FOXJ3: variants seen among roughly 807,000 people sequenced by gnomAD.
FOXJ3 encodes forkhead box J3, also known as forkhead box protein J3.
Under a neutral mutation model 76.1 loss-of-function variants are expected in FOXJ3, and 22 were observed. The observed-to-expected ratio is 0.29, with a 90% CI of 0.21 to 0.41. The LOEUF is 0.41. FOXJ3 is among the 10% of genes least tolerant of loss of function. FOXJ3 has a pLI of 1.00. For synonymous variants in FOXJ3, 269 were observed against 261.2 expected, an observed-to-expected ratio of 1.03 and a Z score of -0.29; for missense variants, 613 against 762.1, an observed-to-expected ratio of 0.80 and a Z score of 2.30.
At chr1:42,284,296 C>T (rs1652914282) in intron 2 of FOXJ3, among the ~76,000 whole-genome samples, 1 of 152,132 alleles carries the variant, frequency 6.6e-6, no homozygotes, top group East Asian at 1.9e-4. Context: ...AGAATTTGGT[C>T]GAACTGTTAT....
intron 4 of FOXJ3, among the ~76,000 whole-genome samples, chr1:42,248,738 T>C (rs1467224858): frequency 3.6e-4 from 53 of 146,094 alleles, no homozygotes; most frequent in African/African-American, 1.0e-3. Context: ...TTCTTTTTTT[T>C]TTTTTTTTTT....
chr1:42,205,004 G>A (rs1330527855), intron 6 of FOXJ3, among the ~76,000 whole-genome samples: 1 of 152,100 alleles, frequency 6.6e-6, no homozygotes, highest in East Asian at 1.9e-4. Context: ...GAAAAAAAGA[G>A]GGTGAAAGCT....
intron 2 of FOXJ3, among the ~76,000 whole-genome samples, chr1:42,299,692 A>G (rs920136324): frequency 2.6e-5 from 4 of 152,068 alleles, no homozygotes; most frequent in Non-Finnish European, 5.9e-5. Context: ...GGATTACTTG[A>G]GGTCAGGAGC....
At chr1:42,198,264 G>A (rs1646691784) in intron 7 of FOXJ3, among the ~76,000 whole-genome samples, 1 of 151,480 alleles carries the variant, frequency 6.6e-6, no homozygotes, top group Non-Finnish European at 1.5e-5. Context: ...TTTTTACAGA[G>A]CAATAATAAT....
At chr1:42,333,670 T>C (rs1012500453) in intron 1 of FOXJ3, among the ~76,000 whole-genome samples, 7 of 151,952 alleles carry the variant, frequency 4.6e-5, no homozygotes, top group South Asian at 2.1e-4. Flanking sequence ...CAATCTGTGG[T>C]CTCAAAACAG....
intron 1 of FOXJ3, chr1:42,334,118 G>C: frequency 1.0e-5 from 10 of 976,606 alleles, no homozygotes; most frequent in Non-Finnish European, 1.2e-5. Flanking sequence ...GTAAAACAGA[G>C]AAATGAAAAC....
chr1:42,272,942 A>C (rs981229540), intron 3 of FOXJ3, among the ~76,000 whole-genome samples: 1 of 152,022 alleles, frequency 6.6e-6, no homozygotes, highest in Non-Finnish European at 1.5e-5. Context: ...CACCTCCACA[A>C]ATCTTAACTC....
intron 1 of FOXJ3, among the ~76,000 whole-genome samples, chr1:42,323,358 A>G (rs556004725): frequency 1.5e-4 from 23 of 152,168 alleles, no homozygotes; most frequent in Non-Finnish European, 3.2e-4. Context: ...CATTCAACAA[A>G]TATTTATTAA....
chr1:42,267,550 A>G (rs1651559293), intron 3 of FOXJ3, among the ~76,000 whole-genome samples: 1 of 152,170 alleles, frequency 6.6e-6, no homozygotes, highest in Admixed American at 6.6e-5. Context: ...TTCTACACAG[A>G]TATCTGGTCT....
Position 42,302,647 on chromosome 1 carries a change from G to A in FOXJ3, c.44+8403C>T, listed in dbSNP as rs531794719. On this transcript the variant is annotated intron_variant, in intron 2 of 12. Transcript: ENST00000361346. ...TAAACCCTAATCTAGAAAAGTGGGT[G>A]CTCCAAATGCCTAAAGATACATCTC... Among the ~76,000 whole-genome samples the A allele has an allele frequency of 3.3e-5, 5 of 152,334 alleles. No homozygotes were observed. The South Asian group carries it at 6.2e-4, about 19-fold the overall frequency.
intron 2 of FOXJ3, among the ~76,000 whole-genome samples, chr1:42,296,370 C>T (rs971529644): frequency 5.3e-5 from 8 of 152,114 alleles, no homozygotes; most frequent in African/African-American, 1.9e-4. Flanking sequence ...ATAAATTCTT[C>T]GCCTAGGCCA....
intron 5 of FOXJ3, among the ~76,000 whole-genome samples, chr1:42,225,117 T>A (rs1414104130): frequency 6.6e-6 from 1 of 151,704 alleles, no homozygotes; most frequent in Non-Finnish European, 1.5e-5. Flanking sequence ...CTCTGTTCCA[T>A]CAAAAGCTCA....
At chr1:42,251,771 T>G (rs1004278435) in intron 4 of FOXJ3, among the ~76,000 whole-genome samples, 4 of 137,942 alleles carry the variant, frequency 2.9e-5, no homozygotes, top group Non-Finnish European at 4.5e-5. Flanking sequence ...CAGGCTGGAG[T>G]GCAGTGGCGC....
chr1:42,178,954 CA>C lies in FOXJ3; in HGVS notation c.*755del, dbSNP rs1646265913. 6.6e-6 allele frequency: 1 copy of C among 152,586 alleles called. No individual in the cohort carries two copies. The highest frequency in any genetic ancestry group is 1.5e-5 in the Non-Finnish European group (1 of 68,006). 9.5% of individuals were successfully genotyped at this position (152,586 alleles called of 1,614,324 possible). On this transcript the variant is annotated 3_prime_UTR_variant, in exon 13 of 13. Coordinates refer to ENST00000361346, the MANE Select transcript of FOXJ3 (RefSeq NM_014947.5). ...GCACTGATGTGTTTAAAGAGCCAAGCAATGCCCAATTTCTTACCAATCAACA... is the reference window on the plus strand; with the variant it reads ...GCACTGATGTGTTTAAAGAGCCAAGCATGCCCAATTTCTTACCAATCAACA...
chr1:42,314,456 C>G (rs941358656), intron 1 of FOXJ3, among the ~76,000 whole-genome samples: 2 of 152,202 alleles, frequency 1.3e-5, no homozygotes, highest in African/African-American at 4.8e-5. Context: ...CCATGTTGGT[C>G]AGGCTGGTCT....
At position 42,295,264 on chromosome 1, in the gene FOXJ3, C is replaced by T. The variant is rs187039327; in HGVS notation, c.44+15786G>A. 2.6e-5 allele frequency among the ~76,000 whole-genome samples: 4 copies of T among 152,160 alleles called. 1 individual carries two copies. The highest frequency in any genetic ancestry group is 9.6e-5 in the African/African-American group (4 of 41,526). Reference sequence around the variant, plus strand: ...TGTCTATTATTTCCATCTTTATGTACATGCATACCTATTATTTAGCTTCCA... The same window carrying T: ...TGTCTATTATTTCCATCTTTATGTATATGCATACCTATTATTTAGCTTCCA... On this transcript the variant is annotated intron_variant, in intron 2 of 12. Coordinates refer to ENST00000361346, the MANE Select transcript of FOXJ3 (RefSeq NM_014947.5).
intron 1 of FOXJ3, among the ~76,000 whole-genome samples, chr1:42,329,719 T>A (rs1244008532): frequency 6.6e-6 from 1 of 152,184 alleles, no homozygotes; most frequent in Admixed American, 6.5e-5. Context: ...AACAAAAAAA[T>A]GTCTAAACAA....
At chr1:42,264,873 A>G in intron 4 of FOXJ3, 1 of 410,570 alleles carries the variant, frequency 2.4e-6, no homozygotes, top group South Asian at 3.7e-5. Flanking sequence ...TTAATTTAAT[A>G]CACAATACTT....
intron 5 of FOXJ3, among the ~76,000 whole-genome samples, chr1:42,218,898 A>G (rs1303806429): frequency 1.3e-5 from 2 of 152,206 alleles, no homozygotes; most frequent in East Asian, 3.8e-4. Flanking sequence ...TGCCAAATAT[A>G]TCTCTACCTC....
Sources: allele counts gnomAD v4.1 joint callset (sites outside exome capture counted in the v4.1 genomes callset), GRCh38; gene constraint gnomAD v4.1.1; transcripts MANE v1.5; gene names NCBI Gene and HGNC (gene_info 2026-07-23, HGNC 2026-07-21).